Variants in MYSM1 observed in about 807,000 individuals in gnomAD.
MYSM1 encodes Myb like, SWIRM and MPN domains 1.
A neutral mutation model predicts 116.0 loss-of-function variants in MYSM1; 51 were observed. That is an observed-to-expected ratio of 0.44 (90% CI 0.35 to 0.56). The LOEUF (loss-of-function observed/expected upper bound fraction) is 0.56. MYSM1 is among the 20% of genes least tolerant of loss of function. MYSM1 has a pLI of 0.00. For missense variants in MYSM1, 900 were observed against 974.9 expected (o/e 0.92, Z 1.02); for synonymous variants, 313 against 315.2 (o/e 0.99, Z 0.07).
Position 58,690,079 on chromosome 1 carries a change from T to TC in MYSM1, c.320+146dup, listed in dbSNP as rs1456798016. 21 of 634,436 alleles carry TC rather than the reference T, an allele frequency of 3.3e-5. No homozygotes were observed. In the East Asian group the frequency reaches 3.8e-4, roughly 12 times the overall value. 39.3% of individuals were successfully genotyped at this position (634,436 alleles called of 1,614,324 possible). A position where few individuals can be genotyped will look rare whatever the true frequency, so the allele number is the denominator to read the frequency against. ...CACCATAAAATTATACTTGTGCCAC[T>TC]CCAACATCTTTATTAAAAAAACTGT... On this transcript the variant is annotated intron_variant, in intron 5 of 19. Coordinates refer to ENST00000472487, the MANE Select transcript of MYSM1 (RefSeq NM_001085487.3).
chr1:58,662,767 G>A (rs766920391), intron 17 of MYSM1, among the ~76,000 whole-genome samples: 2 of 152,054 alleles, frequency 1.3e-5, no homozygotes, highest in Non-Finnish European at 2.9e-5. Flanking sequence ...GGAAGGAAAG[G>A]GGACAGCAAG....
Position 58,698,102 on chromosome 1 carries a change from A to ATATATATATTTTTTTTTTTTT in MYSM1, c.68+1882_68+1883insAAAAAAAAAAAAATATATATA. Among the ~76,000 whole-genome samples, 7 of 7,768 alleles carry ATATATATATTTTTTTTTTTTT rather than the reference A, an allele frequency of 9.0e-4. 1 individual carries two copies. The highest frequency in any genetic ancestry group is 1.3e-3 in the African/African-American group (5 of 3,890). 5.1% of individuals were successfully genotyped at this position (7,768 alleles called of 152,430 possible). On this transcript the variant is annotated intron_variant, in intron 1 of 19. Transcript: ENST00000472487. ...TATCAGACTATATATATATATATAT[A>ATATATATATTTTTTTTTTTTT]TTTTTTTTTTTTTTTTGAGACAGAG...
intron 13 of MYSM1, 108 bp from the exon 14 acceptor site, chr1:58,668,790 T>G (rs1644511454): frequency 9.2e-7 from 1 of 1,089,290 alleles, no homozygotes; most frequent in Admixed American, 2.4e-5. Flanking sequence ...CACCAAGTTC[T>G]CAGCACTAAC....
In MYSM1 at chr1:58,664,800, T is replaced by C. The variant is rs146710207; in HGVS notation, c.2164+699A>G. On this transcript the variant is annotated intron_variant, in intron 17 of 19. Coordinates refer to ENST00000472487, the MANE Select transcript of MYSM1 (RefSeq NM_001085487.3). ...GGAAGAGTACAATGTGGGGTAACTG[T>C]AGTGGCAGTGTCCAGGGGACCTGAC... 3.0e-3 allele frequency among the ~76,000 whole-genome samples: 452 copies of C among 152,332 alleles called. 4 individuals carry two copies. The highest frequency in any genetic ancestry group is 0.01 in the African/African-American group (419 of 41,578).
At chr1:58,661,899 G>A (rs1275121853) in intron 17 of MYSM1, among the ~76,000 whole-genome samples, 2 of 151,684 alleles carry the variant, frequency 1.3e-5, no homozygotes, top group Non-Finnish European at 2.9e-5. Flanking sequence ...AAGACATATT[G>A]CCATCCTAGT....
At position 58,658,120 on chromosome 1, in the gene MYSM1, G is replaced by A. The variant is rs1305526168; in HGVS notation, c.*1877C>T. ...GGGAATACTAAGCCATAAAATTCAGGCCCTTGATTTACTGGTGAGGAGCAT... is the reference window on the plus strand; with the variant it reads ...GGGAATACTAAGCCATAAAATTCAGACCCTTGATTTACTGGTGAGGAGCAT... On this transcript the variant is annotated 3_prime_UTR_variant, in exon 20 of 20. Transcript: ENST00000472487. 2 of 152,058 alleles carry A rather than the reference G, an allele frequency of 1.3e-5. No individual in the cohort carries two copies. The highest frequency in any genetic ancestry group is 2.1e-4 in the South Asian group (1 of 4,826). 9.4% of individuals were successfully genotyped at this position (152,058 alleles called of 1,614,324 possible).
At position 58,658,404 on chromosome 1, in the gene MYSM1, A is replaced by G. The variant is rs1156885844; in HGVS notation, c.*1593T>C. ...AATATAAACTTCACAAGAGTAGTCC[A>G]ACGATTAGAATGAACAATAAAATTT... On this transcript the variant is annotated 3_prime_UTR_variant, in exon 20 of 20. Transcript: ENST00000472487. The G allele has an allele frequency of 1.3e-5, 2 of 152,102 alleles. No homozygotes were observed. The highest frequency in any genetic ancestry group is 6.6e-5 in the Admixed American group (1 of 15,252). 9.4% of individuals were successfully genotyped at this position (152,102 alleles called of 1,614,324 possible). A position where few individuals can be genotyped will look rare whatever the true frequency, so the allele number is the denominator to read the frequency against.
intron 15 of MYSM1, 46 bp from the exon 16 acceptor site, chr1:58,667,272 T>C: frequency 7.5e-7 from 1 of 1,327,300 alleles, no homozygotes; most frequent in Non-Finnish European, 1.0e-6. Flanking sequence ...ATCCTGTTAA[T>C]TCTATTACTC....
chr1:58,661,252 A>C, intron 18 of MYSM1, 25 bp from the exon 19 acceptor site: 1 of 1,586,694 alleles, frequency 6.3e-7, no homozygotes, highest in Non-Finnish European at 8.7e-7. Context: ...ATGAAAACAA[A>C]CTGGTGAAAC....
At chr1:58,669,836 CAAAAAAA>C (rs58828009) in intron 12 of MYSM1, among the ~76,000 whole-genome samples, 2 of 14,608 alleles carry the variant, frequency 1.4e-4, no homozygotes, top group South Asian at 3.5e-3. Flanking sequence ...ACCCTGTCTC[CAAAAAAA>C]AAAAAAAAAA....
chr1:58,699,182 C>T (rs1645026978), intron 1 of MYSM1, among the ~76,000 whole-genome samples: 2 of 152,160 alleles, frequency 1.3e-5, no homozygotes, highest in South Asian at 4.1e-4. Flanking sequence ...AAAGGAGGTT[C>T]TGTGTCAAAT....
intron 16 of MYSM1, 77 bp from the exon 17 acceptor site, chr1:58,665,708 A>G (rs1275464146): frequency 3.0e-6 from 3 of 1,011,314 alleles, no homozygotes; most frequent in Non-Finnish European, 4.4e-6. Context: ...CTAACATTTT[A>G]AACATCTAAT....
At chr1:58,680,538 C>T (rs1004588217) in intron 8 of MYSM1, among the ~76,000 whole-genome samples, 4 of 152,204 alleles carry the variant, frequency 2.6e-5, no homozygotes, top group Admixed American at 2.6e-4. Flanking sequence ...CAAGAACAAA[C>T]CTCCTCCTTT....
chr1:58,692,620 C>T, intron 3 of MYSM1: 1 of 358,442 alleles, frequency 2.8e-6, no homozygotes, highest in South Asian at 6.9e-5. Context: ...ATTCAGATAT[C>T]ATAAACAGTT....
At chr1:58,678,594 C>A (rs1469591231) in intron 8 of MYSM1, among the ~76,000 whole-genome samples, 1 of 152,076 alleles carries the variant, frequency 6.6e-6, no homozygotes, top group African/African-American at 2.4e-5. Context: ...AAAATCTGCC[C>A]TCATGTTGCC....
At chr1:58,692,488 C>G (rs1157212349) in intron 3 of MYSM1, 1 of 159,114 alleles carries the variant, frequency 6.3e-6, no homozygotes, top group African/African-American at 2.4e-5. Flanking sequence ...AGAACTTTTA[C>G]ATGTTCCAAC....
chr1:58,683,339 TAATC>T (rs1644776884), intron 7 of MYSM1, among the ~76,000 whole-genome samples: 1 of 152,336 alleles, frequency 6.6e-6, no homozygotes, highest in Non-Finnish European at 1.5e-5. Context: ...AAATAATCCT[TAATC>T]TATCTGACAT....
intron 16 of MYSM1, among the ~76,000 whole-genome samples, chr1:58,666,576 CTTTTTT>C (rs36057863): frequency 4.6e-5 from 6 of 131,622 alleles, no homozygotes; most frequent in African/African-American, 5.7e-5. Flanking sequence ...TATTTTTTTT[CTTTTTT>C]TTTTTTTTGG....
chr1:58,665,348 T>C (rs961231841), intron 17 of MYSM1, 151 bp downstream of exon 17: 4 of 585,304 alleles, frequency 6.8e-6, no homozygotes, highest in Non-Finnish European at 1.2e-5. Context: ...AGAGGGTGGC[T>C]GCACTAGGGT....
Sources: gnomAD v4.1 joint callset for allele counts (sites outside exome capture counted in the v4.1 genomes callset) on GRCh38, gnomAD v4.1.1 for gene constraint, MANE v1.5 for transcripts, NCBI Gene and HGNC (gene_info 2026-07-23, HGNC 2026-07-21) for gene names.